The following ZNF331 variants were observed in gnomAD, a reference collection of about 807,000 sequenced individuals.
ZNF331 encodes C2H2-like zinc finger protein rearranged in thyroid adenomas.
A neutral mutation model predicts 7.0 loss-of-function variants in ZNF331; 2 were observed. The ratio of observed to expected loss-of-function variants is 0.29; its 90% CI spans 0.12 to 0.90. The LOEUF (loss-of-function observed/expected upper bound fraction) is 0.90, where lower values mean the gene tolerates loss of function less well. Ranked by LOEUF, ZNF331 falls within the 40% of genes least tolerant of loss-of-function variation. The probability of loss-of-function intolerance (pLI) is 0.58; values close to 1 mark genes in which losing one functional copy is unlikely to be tolerated. For missense variants in ZNF331, 432 were observed against 587.7 expected (o/e 0.74, Z 2.74); for synonymous variants, 196 against 205.4 (o/e 0.95, Z 0.39).
chr19:53,556,135 C>G (rs1008236926), intron 3 of ZNF331, among the ~76,000 whole-genome samples: 4 of 149,200 alleles, frequency 2.7e-5, no homozygotes, highest in Non-Finnish European at 5.9e-5. Context: ...CCCAGCTACT[C>G]GGGAGGCTGA....
the ZNF331 span, among the ~76,000 whole-genome samples, chr19:53,507,893 C>T: frequency 0.011 from 1,695 of 152,204 alleles, 37 homozygotes; most frequent in African/African-American, 0.038. Flanking sequence ...CCAGCTACTT[C>T]GGAGACTGAG....
chr19:53,518,297 G>A (rs757541116), upstream of ZNF331, among the ~76,000 whole-genome samples: 3 of 152,088 alleles, frequency 2.0e-5, no homozygotes, highest in South Asian at 2.1e-4. Context: ...GTGGTTTGCC[G>A]GGGGCCCTGT....
At chr19:53,554,460 C>A (rs908246143) in intron 2 of ZNF331, 2 of 152,256 alleles carry the variant, frequency 1.3e-5, no homozygotes, top group African/African-American at 2.4e-5. Flanking sequence ...GCGCTCCGGC[C>A]GCTGGGTGCG....
At chr19:53,575,933 C>T (rs753033505) in intron 5 of ZNF331, among the ~76,000 whole-genome samples, 4 of 152,020 alleles carry the variant, frequency 2.6e-5, no homozygotes, top group East Asian at 1.9e-4. Flanking sequence ...CTGCCCACCT[C>T]GGCCTCCCAA....
At chr19:53,575,694 G>GT (rs2090685661) in intron 5 of ZNF331, among the ~76,000 whole-genome samples, 1 of 149,004 alleles carries the variant, frequency 6.7e-6, no homozygotes, top group African/African-American at 2.5e-5. Flanking sequence ...TTTGTTTTTT[G>GT]TTTTTTTGAT....
At chr19:53,543,385 CCTGAGTAG>C in intron 2 of ZNF331, among the ~76,000 whole-genome samples, 1 of 152,288 alleles carries the variant, frequency 6.6e-6, no homozygotes, top group East Asian at 1.9e-4. Context: ...GCCTCAACCT[CCTGAGTAG>C]CTGGGATTAC....
intron 2 of ZNF331, among the ~76,000 whole-genome samples, chr19:53,528,910 G>A (rs12975312): frequency 0.31 from 47,029 of 151,458 alleles, 7,419 homozygotes; most frequent in Middle Eastern, 0.41. Context: ...TCAGCCTCCC[G>A]AGTAGCTGGG....
intron 2 of ZNF331, among the ~76,000 whole-genome samples, chr19:53,543,609 C>A (rs1006753284): frequency 6.6e-6 from 1 of 152,054 alleles, no homozygotes; most frequent in Non-Finnish European, 1.5e-5. Flanking sequence ...AAAAGAAAAA[C>A]TTTTTTTAAA....
intron 3 of ZNF331, among the ~76,000 whole-genome samples, chr19:53,568,445 TGATTGACTGGTTGGTG>T (rs2090269102): frequency 6.6e-6 from 1 of 152,122 alleles, no homozygotes; most frequent in Non-Finnish European, 1.5e-5. Flanking sequence ...CATGTAGACA[TGATTGACTGGTTGGTG>T]GATTAACTGT....
At chr19:53,557,102 C>T (rs1189778698) in intron 3 of ZNF331, among the ~76,000 whole-genome samples, 2 of 150,440 alleles carry the variant, frequency 1.3e-5, no homozygotes, top group East Asian at 2.0e-4. Context: ...GGATTACAGG[C>T]GTGAGGCGCC....
chr19:53,556,699 G>A (rs1276741090), intron 3 of ZNF331, among the ~76,000 whole-genome samples: 3 of 151,988 alleles, frequency 2.0e-5, no homozygotes, highest in African/African-American at 7.2e-5. Context: ...GTGCGGTGGT[G>A]TGATCATAGC....
At chr19:53,531,974 TTA>T (rs1239434352) in intron 2 of ZNF331, among the ~76,000 whole-genome samples, 1 of 152,224 alleles carries the variant, frequency 6.6e-6, no homozygotes, top group African/African-American at 2.4e-5. Flanking sequence ...ATGACATCCT[TTA>T]TTTTTTATTT....
At chr19:53,567,963 G>A (rs1297917335) in intron 3 of ZNF331, among the ~76,000 whole-genome samples, 1 of 152,112 alleles carries the variant, frequency 6.6e-6, no homozygotes, top group Non-Finnish European at 1.5e-5. Context: ...AAGGAAAGAA[G>A]TACGTGGCCA....
chr19:53,547,772 A>ATAG (rs1799424139), intron 2 of ZNF331, among the ~76,000 whole-genome samples: 1 of 152,196 alleles, frequency 6.6e-6, no homozygotes, highest in African/African-American at 2.4e-5. Flanking sequence ...GCCCTGAATA[A>ATAG]TAGTAGTGAT....
chr19:53,547,108 G>A (rs966685850), intron 2 of ZNF331, among the ~76,000 whole-genome samples: 1 of 151,972 alleles, frequency 6.6e-6, no homozygotes, highest in African/African-American at 2.4e-5. Flanking sequence ...TAGTCTCTTG[G>A]CATATTCAAT....
At chr19:53,505,878 G>A in the ZNF331 span, among the ~76,000 whole-genome samples, 5 of 151,152 alleles carry the variant, frequency 3.3e-5, no homozygotes. Flanking sequence ...CCAGCTACTC[G>A]GGTGGCTGGG....
At chr19:53,525,179 A>G (rs866452328) in intron 2 of ZNF331, among the ~76,000 whole-genome samples, 6 of 152,146 alleles carry the variant, frequency 3.9e-5, no homozygotes, top group East Asian at 1.9e-4. Flanking sequence ...CTTGTAGTAT[A>G]GTTTGAAGTC....
chr19:53,566,404 T>C (rs1441617207), intron 3 of ZNF331, among the ~76,000 whole-genome samples: 1 of 151,990 alleles, frequency 6.6e-6, no homozygotes, highest in Non-Finnish European at 1.5e-5. Flanking sequence ...GTGATTCTCC[T>C]GCCTCAGCCT....
chr19:53,574,937 C>CTTTT (rs11354144), intron 5 of ZNF331, among the ~76,000 whole-genome samples: 1 of 119,518 alleles, frequency 8.4e-6, no homozygotes, highest in African/African-American at 3.3e-5. Flanking sequence ...TTTTTCTTTT[C>CTTTT]TTTTTTTTTT....
Sources: gnomAD v4.1 joint callset for allele counts (sites outside exome capture counted in the v4.1 genomes callset) on GRCh38, gnomAD v4.1.1 for gene constraint, MANE v1.5 for transcripts, NCBI Gene and HGNC (gene_info 2026-07-23, HGNC 2026-07-21) for gene names.